TBC1D2B: variants seen among roughly 807,000 people sequenced by gnomAD.
TBC1D2B encodes TBC1 domain family member 2B.
TBC1D2B carries 64 observed loss-of-function variants against 100.8 expected under a neutral mutation model. The ratio of observed to expected loss-of-function variants is 0.64; its 90% CI spans 0.52 to 0.78. The LOEUF (loss-of-function observed/expected upper bound fraction) is 0.78. TBC1D2B is among the 30% of genes least tolerant of loss of function. The pLI, the probability that TBC1D2B is intolerant of heterozygous loss-of-function variation, is 0.00. For missense variants in TBC1D2B, 1,052 were observed against 1,218.4 expected, an observed-to-expected ratio of 0.86 and a Z score of 2.03; for synonymous variants, 480 against 479.7, an observed-to-expected ratio of 1.00 and a Z score of -0.01.
chr15:78,021,220 T>C (rs1428777850), intron 6 of TBC1D2B, among the ~76,000 whole-genome samples: 1 of 151,834 alleles, frequency 6.6e-6, no homozygotes, highest in East Asian at 1.9e-4. Flanking sequence ...CAGCATCCAC[T>C]GACAATAAAG....
chr15:78,075,132 G>C (rs7180684), intron 1 of TBC1D2B, among the ~76,000 whole-genome samples: 118,820 of 152,148 alleles, frequency 0.78, 47,632 homozygotes, highest in East Asian at 0.99. Context: ...CAAGTCCATC[G>C]AAGTTTAAAG....
At chr15:78,035,780 T>A (rs1429469884) in intron 3 of TBC1D2B, among the ~76,000 whole-genome samples, 3 of 152,232 alleles carry the variant, frequency 2.0e-5, no homozygotes, top group African/African-American at 7.2e-5. Flanking sequence ...AACAAGCAGA[T>A]GTCCATGGCT....
chr15:78,064,112 C>T (rs535207730), intron 1 of TBC1D2B, among the ~76,000 whole-genome samples: 3 of 152,330 alleles, frequency 2.0e-5, no homozygotes, highest in African/African-American at 7.2e-5. Flanking sequence ...ACAAAAGGCC[C>T]ACAAAAGCCT....
chr15:78,054,086 G>A lies in TBC1D2B; in HGVS notation c.462C>T (p.Thr154=), dbSNP rs538787360. 1 of 1,613,836 alleles carries A rather than the reference G, an allele frequency of 6.2e-7. No individual in the cohort carries two copies. Among genetic ancestry groups the A allele is most frequent in the East Asian group, 2.2e-5 (1 of 44,870 alleles). The change falls in exon 2 of 13, where the codon ACC becomes ACT. Residue 154 remains threonine, a synonymous_variant. Transcript: ENST00000300584. ...SLDMVKWDSR[T]SPTPGDFPKG... ...TAGGAAAATCCCCGGGAGTTGGAGA[G>A]GTCCTGCTGTCCCACTTGACCATGT...
intron 12 of TBC1D2B, 105 bp downstream of exon 12, chr15:78,001,514 C>G: frequency 7.3e-7 from 1 of 1,374,756 alleles, no homozygotes; most frequent in Non-Finnish European, 9.7e-7. Context: ...CACTGTACAC[C>G]GGGGATGGCT....
intron 6 of TBC1D2B, 74 bp from the exon 7 acceptor site, chr15:78,018,031 T>C (rs1567017658): frequency 2.6e-6 from 2 of 757,460 alleles, no homozygotes; most frequent in East Asian, 2.9e-5. Context: ...ATGTAGTCAG[T>C]AGCTTGCTGC....
At position 78,013,170 on chromosome 15, in the gene TBC1D2B, A is replaced by G. The variant is rs1465387830; in HGVS notation, c.1923T>C (p.Phe641=). 6.2e-7 allele frequency: 1 copy of G among 1,613,858 alleles called. No individual in the cohort carries two copies. The highest frequency in any genetic ancestry group is 1.3e-5 in the African/African-American group (1 of 74,904). The change falls in exon 9 of 13, where the codon TTT becomes TTC. Residue 641 remains phenylalanine, a synonymous_variant. Transcript: ENST00000300584. The stretch of plus-strand genomic sequence containing the variant: ...TCATCTCCCTGTTCACTGTACTTGC[A>G]AAATAGTTTTCCCACTTGACCCCAG... ...VSTGVKWENY[F]ASTVNREMMC...
At chr15:78,009,195 A>C in intron 9 of TBC1D2B, 81 bp from the exon 10 acceptor site, 1 of 1,028,648 alleles carries the variant, frequency 9.7e-7, no homozygotes, top group Non-Finnish European at 1.4e-6. Flanking sequence ...ATCTGCTTTA[A>C]GCCACTTTTT....
chr15:78,067,857 A>G (rs911118367), intron 1 of TBC1D2B, among the ~76,000 whole-genome samples: 1 of 152,246 alleles, frequency 6.6e-6, no homozygotes, highest in African/African-American at 2.4e-5. Context: ...TCAAACAGGA[A>G]CTAAGTCTTT....
intron 6 of TBC1D2B, among the ~76,000 whole-genome samples, chr15:78,020,407 G>T (rs1001879293): frequency 6.6e-6 from 1 of 152,200 alleles, no homozygotes; most frequent in African/African-American, 2.4e-5. Flanking sequence ...TTATATTACA[G>T]ATACTTTCTC....
intron 3 of TBC1D2B, among the ~76,000 whole-genome samples, chr15:78,043,207 GCTA>G (rs781362137): frequency 5.3e-5 from 8 of 152,136 alleles, no homozygotes; most frequent in Non-Finnish European, 1.2e-4. Context: ...CAGCAAAGAG[GCTA>G]CTTTTTAAAA....
At chr15:78,026,406 T>TCTCTTTCTCTCTTGCC (rs1239580148) in intron 4 of TBC1D2B, among the ~76,000 whole-genome samples, 1 of 152,156 alleles carries the variant, frequency 6.6e-6, no homozygotes, top group Admixed American at 6.5e-5. Flanking sequence ...CCTCTCTTGC[T>TCTCTTTCTCTCTTGCC]CTCTTTCTCT....
chr15:78,034,438 C>T (rs1331671059), intron 3 of TBC1D2B: 2 of 959,102 alleles, frequency 2.1e-6, no homozygotes, highest in Admixed American at 6.2e-5. Context: ...CATGTGACTA[C>T]CACCACCGTC....
At chr15:78,029,552 A>G (rs184623667) in intron 4 of TBC1D2B, among the ~76,000 whole-genome samples, 21 of 152,320 alleles carry the variant, frequency 1.4e-4, no homozygotes, top group African/African-American at 4.6e-4. Flanking sequence ...TGCAGATGCA[A>G]TGGATTAATG....
chr15:78,024,055 C>T, intron 6 of TBC1D2B, 101 bp downstream of exon 6: 1 of 1,406,624 alleles, frequency 7.1e-7, no homozygotes, highest in Non-Finnish European at 9.4e-7. Flanking sequence ...AAGTGTGCAG[C>T]TGTTCTGCCG....
At chr15:78,008,280 G>A (rs770250165) in intron 10 of TBC1D2B, among the ~76,000 whole-genome samples, 1 of 152,240 alleles carries the variant, frequency 6.6e-6, no homozygotes, top group Non-Finnish European at 1.5e-5. Context: ...GACTCCAGGT[G>A]TGGATGGCAT....
intron 12 of TBC1D2B, 96 bp downstream of exon 12, chr15:78,001,523 C>A (rs1324269475): frequency 7.1e-7 from 1 of 1,418,414 alleles, no homozygotes; most frequent in Admixed American, 2.5e-5. Context: ...CCGGGGATGG[C>A]TCTGAGTTGG....
chr15:78,024,275 C>T lies in TBC1D2B; in HGVS notation c.1351G>A (p.Asp451Asn). 5 of 1,614,050 alleles carry T rather than the reference C, an allele frequency of 3.1e-6. No individual in the cohort carries two copies. The highest frequency in any genetic ancestry group is 4.2e-6 in the Non-Finnish European group (5 of 1,179,904). ...TCGCTGAGCTTGATGATGACCTCGT[C>T]CTTGGCTTGGATGGTCTCCATGAGC... is the stretch of plus-strand genomic sequence containing the variant. ...GMLMETIQAK[D>N]EVIIKLSEGE... Residue 451 changes from aspartate (D) to asparagine (N), a missense_variant, in exon 6 of 13, where the codon GAC becomes AAC. Physicochemically the swap from Asp to Asn is conservative, Grantham distance 23 (BLOSUM62 1). Coordinates refer to ENST00000300584, the MANE Select transcript of TBC1D2B (RefSeq NM_144572.2).
chr15:78,040,610 G>GAC (rs2073052625), intron 3 of TBC1D2B, among the ~76,000 whole-genome samples: 2 of 12,548 alleles, frequency 1.6e-4, no homozygotes, highest in Admixed American at 1.0e-3. Context: ...GAAAGTGAGA[G>GAC]AGAAAGAAAG....
Sources: allele counts gnomAD v4.1 joint callset (sites outside exome capture counted in the v4.1 genomes callset), GRCh38; gene constraint gnomAD v4.1.1; transcripts MANE v1.5; gene names NCBI Gene and HGNC (gene_info 2026-07-23, HGNC 2026-07-21).